SIAH3: variants seen among roughly 807,000 people sequenced by gnomAD.
The protein encoded by SIAH3 is siah E3 ubiquitin protein ligase family member 3, also known as seven in absentia homolog 3.
Under a neutral mutation model 12.6 loss-of-function variants are expected in SIAH3, and 9 were observed. That is an observed-to-expected ratio of 0.72 (90% CI 0.43 to 1.25). SIAH3 has a LOEUF of 1.25. Among genes scored for constraint, SIAH3 ranks in the 50% most tolerant of loss-of-function variants. SIAH3 has a pLI of 0.00. For synonymous variants in SIAH3, 154 were observed against 151.1 expected (o/e 1.02, Z -0.14); for missense variants, 390 against 365.4 (o/e 1.07, Z -0.55).
chr13:45,844,417 T>A (rs992591810), intron 1 of SIAH3, among the ~76,000 whole-genome samples: 2 of 152,138 alleles, frequency 1.3e-5, no homozygotes, highest in African/African-American at 2.4e-5. Context: ...GCCTTGGACA[T>A]CAGAACCCCA....
intron 1 of SIAH3, among the ~76,000 whole-genome samples, chr13:45,847,384 C>T (rs1201950432): frequency 6.6e-6 from 1 of 152,158 alleles, no homozygotes; most frequent in East Asian, 1.9e-4. Context: ...CCATAAATGG[C>T]AAAGGTGGGC....
In SIAH3 at chr13:45,783,723, A is replaced by G. The variant is rs1426498581; in HGVS notation, c.470T>C (p.Ile157Thr). ...DMHLPAPADW[I>T]IMHSCLGHHF... ...GTGGCCAAGGCAGGAGTGCATGATG[A>G]TCCAATCAGCCGGCGCGGGGAGGTG... The change falls in exon 2 of 2, where the codon ATC becomes ACC. Residue 157 changes from isoleucine (I) to threonine (T), a missense_variant. Ile to Thr is a moderately conservative substitution (Grantham distance 89). Transcript: ENST00000400405. The G allele has an allele frequency of 1.2e-6, 2 of 1,614,104 alleles. No homozygotes were observed. Among genetic ancestry groups the G allele is most frequent in the South Asian group, 2.2e-5 (2 of 91,074 alleles).
chr13:45,803,003 A>G (rs1950587372), intron 1 of SIAH3, among the ~76,000 whole-genome samples: 1 of 152,012 alleles, frequency 6.6e-6, no homozygotes, highest in Admixed American at 6.6e-5. Flanking sequence ...ACCTGGGAGA[A>G]GGAGGTTGTA....
intron 1 of SIAH3, among the ~76,000 whole-genome samples, chr13:45,842,384 C>G (rs571832935): frequency 6.6e-6 from 1 of 152,292 alleles, no homozygotes; most frequent in Admixed American, 6.5e-5. Flanking sequence ...TGCTCTGCTA[C>G]CCAGGCTGGA....
At position 45,784,003 on chromosome 13, in the gene SIAH3, G is replaced by A. The variant is rs1299074031; in HGVS notation, c.190C>T (p.His64Tyr). 1 of 1,606,070 alleles carries A rather than the reference G, an allele frequency of 6.2e-7. No individual in the cohort carries two copies. Among genetic ancestry groups the A allele is most frequent in the Non-Finnish European group, 8.5e-7 (1 of 1,176,288 alleles). ...TGGTGGTGGGAGAGATGGTGAGGGT[G>A]GAAGCTGCCTTGCTCTGGAGCGCTC... ...TQSAPEQGSF[H>Y]PHHLSHHHCH... Residue 64 changes from histidine (H) to tyrosine (Y), a missense_variant, in exon 2 of 2, where the codon CAC (histidine) becomes TAC (tyrosine). Coordinates refer to ENST00000400405, the MANE Select transcript of SIAH3 (RefSeq NM_198849.3).
rs80105008 is a variant in SIAH3, at chr13:45,780,271, T to G, written c.*3112A>C. ...CCCTGCTTCCAGGTGGACTAGTGCTTTTTTTTTTTTTCTAAAGAGATAGGG... is the reference window on the plus strand; with the variant it reads ...CCCTGCTTCCAGGTGGACTAGTGCTGTTTTTTTTTTTCTAAAGAGATAGGG... On this transcript the variant is annotated 3_prime_UTR_variant, in exon 2 of 2. Transcript: ENST00000400405. 1 of 3,572 alleles carries G rather than the reference T, an allele frequency of 2.8e-4. No individual in the cohort carries two copies. Among genetic ancestry groups the G allele is most frequent in the Non-Finnish European group, 5.7e-4 (1 of 1,742 alleles). 0.2% of individuals were successfully genotyped at this position (3,572 alleles called of 1,614,324 possible).
At chr13:45,791,026 A>T (rs541843266) in intron 1 of SIAH3, among the ~76,000 whole-genome samples, 1 of 152,038 alleles carries the variant, frequency 6.6e-6, no homozygotes, top group African/African-American at 2.4e-5. Context: ...AAAATACAAA[A>T]ATTAGCCAGG....
Position 45,851,737 on chromosome 13 carries a change from A to G in SIAH3, c.-108T>C. 1 of 1,414,098 alleles carries G rather than the reference A, an allele frequency of 7.1e-7. No individual in the cohort carries two copies. The highest frequency in any genetic ancestry group is 9.7e-7 in the Non-Finnish European group (1 of 1,026,652). The allele number at this position is 1,414,098 out of a possible 1,614,324, so 87.6% of individuals were successfully genotyped here. On this transcript the variant is annotated 5_prime_UTR_variant, in exon 1 of 2. The change abolishes the stop of an existing upstream ORF in the 5' untranslated region. Coordinates refer to ENST00000400405, the MANE Select transcript of SIAH3 (RefSeq NM_198849.3). Reference sequence around the variant, plus strand: ...GAGACACTCCGCTCCAGCCCGGCTTAGCGCGCCTTCATATTCATCATCAAA... The same window carrying G: ...GAGACACTCCGCTCCAGCCCGGCTTGGCGCGCCTTCATATTCATCATCAAA...
At chr13:45,790,322 A>C (rs193137976) in intron 1 of SIAH3, among the ~76,000 whole-genome samples, 49 of 152,332 alleles carry the variant, frequency 3.2e-4, no homozygotes, top group Non-Finnish European at 6.6e-4. Flanking sequence ...GTTTCAAACC[A>C]AGATCTATGG....
At chr13:45,823,012 GA>G (rs1950661789) in intron 1 of SIAH3, among the ~76,000 whole-genome samples, 1 of 152,156 alleles carries the variant, frequency 6.6e-6, no homozygotes, top group Non-Finnish European at 1.5e-5. Flanking sequence ...TCTCCAGACA[GA>G]AAGCTTCTCC....
At position 45,804,659 on chromosome 13, in the gene SIAH3, G is replaced by T. The variant is rs141401922; in HGVS notation, c.136-20602C>A. 5.2e-3 allele frequency among the ~76,000 whole-genome samples: 795 copies of T among 152,102 alleles called. 18 individuals are homozygous for T. The highest frequency in any genetic ancestry group is 0.039 in the Admixed American group (599 of 15,270). ...GCATTCTCCTTAAGAACTGAAACACGACAAGGATGGCCACTCTCACTATTC... is the reference window on the plus strand; with the variant it reads ...GCATTCTCCTTAAGAACTGAAACACTACAAGGATGGCCACTCTCACTATTC... On this transcript the variant is annotated intron_variant, in intron 1 of 1. Transcript: ENST00000400405.
chr13:45,814,107 C>T (rs1221693504), intron 1 of SIAH3, among the ~76,000 whole-genome samples: 4 of 151,796 alleles, frequency 2.6e-5, no homozygotes, highest in Admixed American at 2.0e-4. Flanking sequence ...GGCGTGGTGG[C>T]GGGCACCTGT....
In SIAH3 at chr13:45,783,565, G is replaced by A. The variant is rs1347031304; in HGVS notation, c.628C>T (p.Arg210Trp). Residue 210 changes from arginine (R) to tryptophan (W), a missense_variant, in exon 2 of 2, where the codon CGG becomes TGG. Physicochemically the swap from Arg to Trp is moderately radical, Grantham distance 101. Transcript: ENST00000400405. ...TYRLELNRNH[R>W]RLKWEATPRS... ...GGCGTGGCCTCCCACTTGAGGCGCC[G>A]ATGGTTTCTGTTGAGCTCCAGGCGA... 16 of 1,614,210 alleles carry A rather than the reference G, an allele frequency of 9.9e-6. No individual in the cohort carries two copies. The highest frequency in any genetic ancestry group is 1.3e-5 in the Non-Finnish European group (15 of 1,180,024).
At chr13:45,813,482 C>T (rs1950623424) in intron 1 of SIAH3, among the ~76,000 whole-genome samples, 3 of 152,218 alleles carry the variant, frequency 2.0e-5, no homozygotes, top group Non-Finnish European at 4.4e-5. Flanking sequence ...CAGAGTCATT[C>T]ATTCTTTCAT....
chr13:45,836,097 G>A (rs529617950), intron 1 of SIAH3, among the ~76,000 whole-genome samples: 43 of 152,292 alleles, frequency 2.8e-4, no homozygotes, highest in African/African-American at 7.7e-4. Flanking sequence ...AAGTGAATGC[G>A]TAGAGTGGAG....
intron 1 of SIAH3, among the ~76,000 whole-genome samples, chr13:45,786,380 T>A (rs181297347): frequency 6.6e-6 from 1 of 152,292 alleles, no homozygotes; most frequent in East Asian, 1.9e-4. Flanking sequence ...GTCTTATAAA[T>A]GAAGAAACAG....
At chr13:45,839,198 T>C (rs920579026) in intron 1 of SIAH3, among the ~76,000 whole-genome samples, 1 of 151,666 alleles carries the variant, frequency 6.6e-6, no homozygotes, top group African/African-American at 2.4e-5. Context: ...GTTTTTGCTT[T>C]GTATAAAAAG....
intron 1 of SIAH3, among the ~76,000 whole-genome samples, chr13:45,785,210 G>A (rs979348202): frequency 6.6e-6 from 1 of 152,122 alleles, no homozygotes; most frequent in African/African-American, 2.4e-5. Flanking sequence ...TAATTAGCCT[G>A]CATGGTCTAG....
chr13:45,849,518 C>T (rs974431410), intron 1 of SIAH3, among the ~76,000 whole-genome samples: 3 of 152,156 alleles, frequency 2.0e-5, no homozygotes, highest in East Asian at 1.9e-4. Context: ...AAAGCTGAGG[C>T]GGAGAAAGGG....
Sources: allele counts gnomAD v4.1 joint callset (sites outside exome capture counted in the v4.1 genomes callset), GRCh38; gene constraint gnomAD v4.1.1; transcripts MANE v1.5; gene names NCBI Gene and HGNC (gene_info 2026-07-23, HGNC 2026-07-21).